The following SYT1 variants were observed in gnomAD, a reference collection of about 807,000 sequenced individuals.
The protein encoded by SYT1 is synaptotagmin-1.
SYT1 carries 8 observed loss-of-function variants against 44.8 expected under a neutral mutation model. The observed-to-expected ratio is 0.18, with a 90% CI of 0.10 to 0.32. The LOEUF is 0.32. Ranked by LOEUF, SYT1 falls within the 10% of genes least tolerant of loss-of-function variation. SYT1 has a pLI of 1.00. For missense variants in SYT1, 286 were observed against 509.3 expected (o/e 0.56, Z 4.22); for synonymous variants, 154 against 188.8 (o/e 0.82, Z 1.51).
At chr12:78,927,412 G>A (rs950702590) in intron 1 of SYT1, among the ~76,000 whole-genome samples, 1 of 152,026 alleles carries the variant, frequency 6.6e-6, no homozygotes, top group African/African-American at 2.4e-5. Context: ...CTAAACAATT[G>A]AACTGTAAAT....
chr12:79,222,125 C>A (rs1361672003), intron 4 of SYT1, among the ~76,000 whole-genome samples: 1 of 152,082 alleles, frequency 6.6e-6, no homozygotes, highest in Non-Finnish European at 1.5e-5. Context: ...TCCACTCTCT[C>A]CTGGCCTATA....
intron 9 of SYT1, among the ~76,000 whole-genome samples, chr12:79,360,438 C>T (rs1289015306): frequency 6.6e-6 from 1 of 152,188 alleles, no homozygotes; most frequent in Non-Finnish European, 1.5e-5. Context: ...GACTACCACC[C>T]TTATCTGTCC....
intron 3 of SYT1, among the ~76,000 whole-genome samples, chr12:79,058,926 T>C (rs1243760453): frequency 6.6e-6 from 1 of 152,144 alleles, no homozygotes; most frequent in South Asian, 2.1e-4. Flanking sequence ...AAGCTTGTGA[T>C]AGAAGATTTG....
At chr12:79,238,568 A>T (rs370267300) in intron 4 of SYT1, among the ~76,000 whole-genome samples, 1 of 152,316 alleles carries the variant, frequency 6.6e-6, no homozygotes, top group African/African-American at 2.4e-5. Context: ...CCATAAGAGG[A>T]CAAGTAGAAT....
chr12:78,903,521 G>C (rs767174659), intron 1 of SYT1, among the ~76,000 whole-genome samples: 1 of 151,986 alleles, frequency 6.6e-6, no homozygotes, highest in East Asian at 1.9e-4. Flanking sequence ...TACTGACTTC[G>C]TGATCTGCCC....
intron 3 of SYT1, among the ~76,000 whole-genome samples, chr12:79,169,086 C>T (rs1361188892): frequency 6.6e-6 from 1 of 152,026 alleles, no homozygotes; most frequent in African/African-American, 2.4e-5. Context: ...AATCAAGGGA[C>T]AGCAGGAAGT....
intron 9 of SYT1, among the ~76,000 whole-genome samples, chr12:79,382,415 A>G (rs1884261013): frequency 6.6e-6 from 1 of 152,152 alleles, no homozygotes; most frequent in South Asian, 2.1e-4. Flanking sequence ...ATTCAAAAAT[A>G]CACAAACACA....
rs183496067 is a variant in SYT1 at position 79,259,850 on chromosome 12, A to G, written c.167-25937A>G. On this transcript the variant is annotated intron_variant, in intron 4 of 10. Transcript: ENST00000261205. ...CTTTAAAATACCTATTATTTTTTCT[A>G]TAAGTATCCACAGCCAGAAAGAGCA... 1.3e-3 allele frequency among the ~76,000 whole-genome samples: 199 copies of G among 152,362 alleles called. 2 individuals carry two copies. Among genetic ancestry groups the G allele is most frequent in the African/African-American group, 4.6e-3 (190 of 41,596 alleles).
intron 3 of SYT1, among the ~76,000 whole-genome samples, chr12:79,171,738 T>A (rs1172657693): frequency 6.6e-6 from 1 of 152,002 alleles, no homozygotes; most frequent in South Asian, 2.1e-4. Flanking sequence ...GGTTTAGATC[T>A]TGGCTATACT....
At chr12:79,357,328 G>C (rs547394342) in intron 9 of SYT1, among the ~76,000 whole-genome samples, 1 of 152,316 alleles carries the variant, frequency 6.6e-6, no homozygotes, top group African/African-American at 2.4e-5. Context: ...GTGAGCAACA[G>C]TGAGGATTTC....
At chr12:79,129,868 T>A (rs1443179613) in intron 3 of SYT1, among the ~76,000 whole-genome samples, 1 of 152,132 alleles carries the variant, frequency 6.6e-6, no homozygotes, top group Non-Finnish European at 1.5e-5. Context: ...AATGTAAAGT[T>A]GTAACAAAGA....
chr12:78,950,085 T>G (rs1178543899), intron 1 of SYT1, among the ~76,000 whole-genome samples: 1 of 151,982 alleles, frequency 6.6e-6, no homozygotes, highest in Non-Finnish European at 1.5e-5. Context: ...TACTATATAC[T>G]CTAAAAGTAA....
chr12:79,051,733 AGTATAT>A (rs1874507712), intron 3 of SYT1, among the ~76,000 whole-genome samples: 1 of 152,038 alleles, frequency 6.6e-6, no homozygotes, highest in African/African-American at 2.4e-5. Flanking sequence ...GATTGGATTA[AGTATAT>A]GAAGATCTCT....
chr12:78,877,631 C>T (rs1362631719), intron 1 of SYT1, among the ~76,000 whole-genome samples: 2 of 151,522 alleles, frequency 1.3e-5, no homozygotes, highest in Non-Finnish European at 3.0e-5. Flanking sequence ...TCATGATCAA[C>T]TAAGTTTATA....
At chr12:79,170,014 C>A (rs943529533) in intron 3 of SYT1, among the ~76,000 whole-genome samples, 8 of 152,098 alleles carry the variant, frequency 5.3e-5, no homozygotes, top group Non-Finnish European at 1.0e-4. Flanking sequence ...CATGTCTCTG[C>A]AAAGGACATG....
chr12:78,987,630 A>G (rs1869735901), intron 2 of SYT1, among the ~76,000 whole-genome samples: 1 of 152,042 alleles, frequency 6.6e-6, no homozygotes, highest in Admixed American at 6.6e-5. Context: ...ACTTGAGCCT[A>G]CAGTACTCTG....
At chr12:79,421,564 T>C (rs1430011111) in intron 9 of SYT1, among the ~76,000 whole-genome samples, 1 of 152,166 alleles carries the variant, frequency 6.6e-6, no homozygotes, top group Non-Finnish European at 1.5e-5. Context: ...TCATCTTGAC[T>C]GAAATTCTTT....
At chr12:79,020,501 A>C (rs1346637398) in intron 2 of SYT1, among the ~76,000 whole-genome samples, 1 of 152,020 alleles carries the variant, frequency 6.6e-6, no homozygotes, top group Non-Finnish European at 1.5e-5. Flanking sequence ...TTGAAAGCAC[A>C]GTCTTAGCAG....
rs1207481814 is a variant in SYT1, at chr12:79,179,162, A to C, written c.-17-38341A>C. 7.1e-4 allele frequency among the ~76,000 whole-genome samples: 60 copies of C among 83,930 alleles called. 1 individual carries two copies. The highest frequency in any genetic ancestry group is 4.9e-3 in the East Asian group (9 of 1,850). The allele number at this position is 83,930 out of a possible 152,430, so 55.1% of individuals were successfully genotyped here. ...TATAGATATAGATATATAGATATATAGATATAGATATAGATATATAGATAT... is the reference window on the plus strand; with the variant it reads ...TATAGATATAGATATATAGATATATCGATATAGATATAGATATATAGATAT... On this transcript the variant is annotated intron_variant, in intron 3 of 10. Transcript: ENST00000261205.
Sources: gnomAD v4.1 joint callset for allele counts (sites outside exome capture counted in the v4.1 genomes callset) on GRCh38, gnomAD v4.1.1 for gene constraint, MANE v1.5 for transcripts, NCBI Gene and HGNC (gene_info 2026-07-23, HGNC 2026-07-21) for gene names.